The following PPP3CA variants were observed in gnomAD, a reference collection of about 807,000 sequenced individuals.
The protein encoded by PPP3CA is protein phosphatase 3 catalytic subunit alpha.
Under a neutral mutation model 66.5 loss-of-function variants are expected in PPP3CA, and 14 were observed. That is an observed-to-expected ratio of 0.21 (90% confidence interval 0.14 to 0.33). The LOEUF is 0.33. Ranked by LOEUF, PPP3CA falls within the 10% of genes least tolerant of loss-of-function variation. The probability of loss-of-function intolerance (pLI) is 1.00; values close to 1 mark genes in which losing one functional copy is unlikely to be tolerated. For missense variants in PPP3CA, 317 were observed against 639.5 expected (o/e 0.50, Z 5.44); for synonymous variants, 232 against 226.2 (o/e 1.03, Z -0.23).
At chr4:101,048,779 G>GT (rs570913038) in intron 10 of PPP3CA, among the ~76,000 whole-genome samples, 11 of 151,828 alleles carry the variant, frequency 7.2e-5, no homozygotes, top group Admixed American at 6.6e-4. Flanking sequence ...TCTTCCATAT[G>GT]TTTTTTTAAC....
rs759248870 is a variant in PPP3CA at position 101,196,130 on chromosome 4, G to A, written c.59-14C>T. The A allele has an allele frequency of 6.2e-7, 1 of 1,611,750 alleles. No individual in the cohort carries two copies. The highest frequency in any genetic ancestry group is 8.5e-7 in the Non-Finnish European group (1 of 1,178,842). ...GAAATGGAACAGCTGAAAGAAGAAAGGTCTAATTATTACATTAGCCAAAAC... is the reference window on the plus strand; with the variant it reads ...GAAATGGAACAGCTGAAAGAAGAAAAGTCTAATTATTACATTAGCCAAAAC... On this transcript the variant is annotated splice_polypyrimidine_tract_variant and intron_variant, in intron 1 of 13. Coordinates refer to ENST00000394854, the MANE Select transcript of PPP3CA (RefSeq NM_000944.5).
intron 10 of PPP3CA, among the ~76,000 whole-genome samples, chr4:101,042,917 A>G (rs1727593841): frequency 6.6e-6 from 1 of 150,890 alleles, no homozygotes; most frequent in South Asian, 2.1e-4. Context: ...TCAGTCTAAC[A>G]TTGTCCTATT....
At chr4:101,176,754 T>G (rs1186482296) in intron 2 of PPP3CA, among the ~76,000 whole-genome samples, 1 of 152,062 alleles carries the variant, frequency 6.6e-6, no homozygotes, top group Non-Finnish European at 1.5e-5. Context: ...AAATTTTAAT[T>G]ACTGTGACTA....
At chr4:101,229,115 A>G (rs1471814940) in intron 1 of PPP3CA, among the ~76,000 whole-genome samples, 1 of 151,680 alleles carries the variant, frequency 6.6e-6, no homozygotes, top group African/African-American at 2.4e-5. Context: ...TCTCTTCAAT[A>G]GGTGCTGCAG....
chr4:101,113,894 G>A (rs1721757309), intron 2 of PPP3CA, among the ~76,000 whole-genome samples: 1 of 152,006 alleles, frequency 6.6e-6, no homozygotes, highest in Non-Finnish European at 1.5e-5. Context: ...GGTTGCTCAG[G>A]GCCCCCAAAT....
chr4:101,029,072 A>G (rs1726798381), intron 13 of PPP3CA, 94 bp downstream of exon 13: 1 of 1,240,394 alleles, frequency 8.1e-7, no homozygotes, highest in Non-Finnish European at 1.2e-6. Flanking sequence ...CTCAACACCC[A>G]CACACTCTGT....
At chr4:101,315,750 T>C (rs1171782463) in intron 1 of PPP3CA, among the ~76,000 whole-genome samples, 1 of 152,178 alleles carries the variant, frequency 6.6e-6, no homozygotes, top group Non-Finnish European at 1.5e-5. Context: ...CACAAAGTCA[T>C]CAAGGATTTG....
Position 101,105,224 on chromosome 4 carries a change from T to A in PPP3CA, c.384+3730A>T, listed in dbSNP as rs1055853025. ...GCTCTGTTGCTAGGCTGGAGTGCAG[T>A]GGCATGATCTCGGCTCACTGCAACC... On this transcript the variant is annotated intron_variant, in intron 3 of 13. Transcript: ENST00000394854. Among the ~76,000 whole-genome samples, 17 of 150,926 alleles carry A rather than the reference T, an allele frequency of 1.1e-4. 1 individual carries two copies. The highest frequency in any genetic ancestry group is 2.9e-5 in the Non-Finnish European group (2 of 67,802).
At chr4:101,182,989 T>C (rs949527688) in intron 2 of PPP3CA, among the ~76,000 whole-genome samples, 5 of 152,168 alleles carry the variant, frequency 3.3e-5, no homozygotes, top group African/African-American at 1.2e-4. Context: ...CCATTAAACC[T>C]CTTTCTTTTG....
chr4:101,252,796 T>C (rs990399479), intron 1 of PPP3CA, among the ~76,000 whole-genome samples: 2 of 152,176 alleles, frequency 1.3e-5, no homozygotes, highest in Admixed American at 6.6e-5. Flanking sequence ...CTTGCCTCCT[T>C]TGAAGTACTT....
chr4:101,216,023 C>G (rs566256581), intron 1 of PPP3CA, among the ~76,000 whole-genome samples: 193 of 152,078 alleles, frequency 1.3e-3, no homozygotes, highest in Non-Finnish European at 2.3e-3. Context: ...ACAACTATCT[C>G]GCTTAATTAA....
intron 1 of PPP3CA, among the ~76,000 whole-genome samples, chr4:101,306,213 C>T (rs1728531294): frequency 6.6e-6 from 1 of 152,104 alleles, no homozygotes; most frequent in Admixed American, 6.6e-5. Flanking sequence ...TTAATCTAAG[C>T]GCATATGGGG....
At chr4:101,239,218 A>G (rs375551614) in intron 1 of PPP3CA, among the ~76,000 whole-genome samples, 27 of 152,250 alleles carry the variant, frequency 1.8e-4, no homozygotes, top group South Asian at 1.4e-3. Context: ...TCAGAAGCAA[A>G]TAAGTAATTT....
chr4:101,270,890 G>A (rs2583384), intron 1 of PPP3CA, among the ~76,000 whole-genome samples: 52,744 of 151,914 alleles, frequency 0.35, 10,263 homozygotes, highest in East Asian at 0.67. Context: ...GAATTTTTAA[G>A]AATTGTTCCA....
At chr4:101,336,192 G>T (rs1729628827) in intron 1 of PPP3CA, among the ~76,000 whole-genome samples, 2 of 151,958 alleles carry the variant, frequency 1.3e-5, no homozygotes, top group Non-Finnish European at 2.9e-5. Context: ...TCCAGCCTGG[G>T]CAACAAGAGC....
intron 2 of PPP3CA, among the ~76,000 whole-genome samples, chr4:101,119,104 T>G (rs1420915102): frequency 1.3e-5 from 2 of 151,968 alleles, no homozygotes; most frequent in Non-Finnish European, 2.9e-5. Flanking sequence ...TTTTGAATGT[T>G]CTGCAAGATT....
At chr4:101,170,371 G>C (rs890684321) in intron 2 of PPP3CA, among the ~76,000 whole-genome samples, 1 of 152,020 alleles carries the variant, frequency 6.6e-6, no homozygotes, top group Non-Finnish European at 1.5e-5. Flanking sequence ...TAATCTCCTG[G>C]ACCCTCAAGG....
chr4:101,043,147 G>A (rs945697964), intron 10 of PPP3CA, among the ~76,000 whole-genome samples: 1 of 152,008 alleles, frequency 6.6e-6, no homozygotes. Flanking sequence ...TGGCTAAGAC[G>A]TCTAAAAATA....
At chr4:101,209,891 A>G (rs1005706814) in intron 1 of PPP3CA, among the ~76,000 whole-genome samples, 4 of 152,164 alleles carry the variant, frequency 2.6e-5, no homozygotes, top group African/African-American at 9.6e-5. Flanking sequence ...AAAAGAGAAC[A>G]CATAGAACAC....
Sources: allele counts gnomAD v4.1 joint callset (sites outside exome capture counted in the v4.1 genomes callset), GRCh38; gene constraint gnomAD v4.1.1; transcripts MANE v1.5; gene names NCBI Gene and HGNC (gene_info 2026-07-23, HGNC 2026-07-21).